The following TDRD10 variants were observed in gnomAD, a reference collection of about 807,000 sequenced individuals.
TDRD10 encodes the protein tudor domain containing 10.
Under a neutral mutation model 48.0 loss-of-function variants are expected in TDRD10, and 40 were observed. The ratio of observed to expected loss-of-function variants is 0.83; its 90% CI spans 0.65 to 1.09. The LOEUF (loss-of-function observed/expected upper bound fraction) is 1.09, where lower values mean the gene tolerates loss of function less well. Among genes scored for constraint, TDRD10 ranks in the 50% least tolerant of loss-of-function variants. The pLI is 0.00. For synonymous variants in TDRD10, 162 were observed against 170.4 expected, an observed-to-expected ratio of 0.95 and a Z score of 0.38; for missense variants, 378 against 434.7, an observed-to-expected ratio of 0.87 and a Z score of 1.16.
Position 154,547,797 on chromosome 1 carries a change from G to C in TDRD10, c.*87G>C. ...GTCTTCTCGTACCCCTTTCACTCTT[G>C]AGGCCTGGGAGGTGAAAAAGGCCAG... On this transcript the variant is annotated 3_prime_UTR_variant, in exon 13 of 13. Coordinates refer to ENST00000368482, the MANE Select transcript of TDRD10 (RefSeq NM_182499.4). The C allele has an allele frequency of 6.5e-7, 1 of 1,533,068 alleles. No individual in the cohort carries two copies. The allele number at this position is 1,533,068 out of a possible 1,614,324, so 95.0% of individuals were successfully genotyped here. A position where few individuals can be genotyped will look rare whatever the true frequency, so the allele number is the denominator to read the frequency against.
rs1695248784 is a variant in TDRD10 at position 154,541,807 on chromosome 1, T to C, written c.370-217T>C. 4.4e-5 allele frequency: 23 copies of C among 519,178 alleles called. No homozygotes were observed. In the South Asian group the frequency reaches 6.3e-4, roughly 14 times the overall value. 32.2% of individuals were successfully genotyped at this position (519,178 alleles called of 1,614,324 possible). A position where few individuals can be genotyped will look rare whatever the true frequency, so the allele number is the denominator to read the frequency against. Reference sequence around the variant, plus strand: ...GCTCCCTGGCAGCAGCCCTGCTCCCTGCCTTCCCTGCTTCTGATCGTCTTT... The same window carrying C: ...GCTCCCTGGCAGCAGCCCTGCTCCCCGCCTTCCCTGCTTCTGATCGTCTTT... On this transcript the variant is annotated intron_variant, in intron 6 of 12. Transcript: ENST00000368482.
chr1:154,546,468 TATATA>T (rs1428429861), intron 11 of TDRD10, among the ~76,000 whole-genome samples: 1 of 147,454 alleles, frequency 6.8e-6, no homozygotes, highest in Admixed American at 6.9e-5. Context: ...TTATGTAACA[TATATA>T]ATATATAATA....
chr1:154,535,221 G>A (rs941342997), intron 6 of TDRD10, among the ~76,000 whole-genome samples: 1 of 152,038 alleles, frequency 6.6e-6, no homozygotes, highest in African/African-American at 2.4e-5. Flanking sequence ...ACAAAAATTA[G>A]CCAAGCGTGG....
intron 4 of TDRD10, 126 bp downstream of exon 4, chr1:154,508,607 C>T (rs1404344793): frequency 5.6e-6 from 4 of 708,436 alleles, no homozygotes; most frequent in Non-Finnish European, 1.0e-5. Flanking sequence ...CAGACAGTCA[C>T]TCGTTGGTGA....
intron 6 of TDRD10, 157 bp from the exon 7 acceptor site, chr1:154,541,867 G>C: frequency 3.1e-6 from 2 of 636,820 alleles, no homozygotes; most frequent in Non-Finnish European, 5.4e-6. Context: ...TGAGGATGGA[G>C]AGAGTGGACG....
At position 154,547,909 on chromosome 1, in the gene TDRD10, G is replaced by T. The variant is rs758837300; in HGVS notation, c.*199G>T. On this transcript the variant is annotated 3_prime_UTR_variant, in exon 13 of 13. Coordinates refer to ENST00000368482, the MANE Select transcript of TDRD10 (RefSeq NM_182499.4). ...AAGTCTCATTTGTCATGTGTCTTCA[G>T]TTCCCCAACTTGGCATGAACATTTG... 103 of 628,988 alleles carry T rather than the reference G, an allele frequency of 1.6e-4. No homozygotes were observed. The highest frequency in any genetic ancestry group is 2.1e-4 in the Non-Finnish European group (77 of 361,600). The allele number at this position is 628,988 out of a possible 1,614,324, so 39.0% of individuals were successfully genotyped here. A position where few individuals can be genotyped will look rare whatever the true frequency, so the allele number is the denominator to read the frequency against.
chr1:154,520,375 G>A lies in TDRD10; in HGVS notation c.212+1G>A. On this transcript the variant is annotated splice_donor_variant, in intron 5 of 12. Coordinates refer to ENST00000368482, the MANE Select transcript of TDRD10 (RefSeq NM_182499.4). LOFTEE classifies it high-confidence loss of function. ...ACAAAATCCAGAATGGCTGCAAATGGTAATGACTGTTCTTTCTTTGTTTTC... is the reference window on the plus strand; with the variant it reads ...ACAAAATCCAGAATGGCTGCAAATGATAATGACTGTTCTTTCTTTGTTTTC... The A allele has an allele frequency of 1.2e-6, 2 of 1,611,548 alleles. No individual in the cohort carries two copies. The highest frequency in any genetic ancestry group is 1.7e-6 in the Non-Finnish European group (2 of 1,177,742).
In TDRD10 at chr1:154,542,019, C is replaced by A; in HGVS notation, c.370-5C>A. ...CTGAGTGAGACCTTTCATTTTTCTT[C>A]CCAGGTGTTGGAGAAGGCTTCTGGT... On this transcript the variant is annotated splice_region_variant and splice_polypyrimidine_tract_variant and intron_variant, in intron 6 of 12. Coordinates refer to ENST00000368482, the MANE Select transcript of TDRD10 (RefSeq NM_182499.4). The A allele has an allele frequency of 6.2e-7, 1 of 1,613,598 alleles. No individual in the cohort carries two copies. The highest frequency in any genetic ancestry group is 8.5e-7 in the Non-Finnish European group (1 of 1,179,754).
At chr1:154,517,048 G>C (rs1693808089) in intron 4 of TDRD10, among the ~76,000 whole-genome samples, 1 of 152,200 alleles carries the variant, frequency 6.6e-6, no homozygotes, top group South Asian at 2.1e-4. Context: ...GAAAGTGGTG[G>C]AGCCTGAAGG....
At chr1:154,534,330 GC>G (rs200897831) in intron 6 of TDRD10, among the ~76,000 whole-genome samples, 2,215 of 152,320 alleles carry the variant, frequency 0.015, 45 homozygotes, top group African/African-American at 0.05. Flanking sequence ...GGAAATCAAT[GC>G]AAGAAAGAAA....
At chr1:154,508,333 A>G in intron 3 of TDRD10, 90 bp from the exon 4 acceptor site, 1 of 896,706 alleles carries the variant, frequency 1.1e-6, no homozygotes, top group South Asian at 1.4e-5. Flanking sequence ...TGGGCAACAT[A>G]GAGAGACCCT....
chr1:154,517,718 G>A (rs531297125), intron 4 of TDRD10, among the ~76,000 whole-genome samples: 2 of 152,208 alleles, frequency 1.3e-5, no homozygotes, highest in African/African-American at 2.4e-5. Context: ...CACCGCGCCC[G>A]GCTTGGACCA....
In TDRD10 at chr1:154,502,359, G is replaced by C. The variant is rs937250688; in HGVS notation, c.-698G>C. The C allele has an allele frequency of 4.1e-4, 67 of 163,428 alleles. No homozygotes were observed. Among genetic ancestry groups the C allele is most frequent in the Middle Eastern group, 2.7e-3 (1 of 368 alleles). 10.1% of individuals were successfully genotyped at this position (163,428 alleles called of 1,614,324 possible). A position where few individuals can be genotyped will look rare whatever the true frequency, so the allele number is the denominator to read the frequency against. ...CTGCGGCCCAGCCCACGCTCCCAGG[G>C]ACCAGAGAGGACCGAGCGGAGGCGG... On this transcript the variant is annotated 5_prime_UTR_variant, in exon 1 of 13. Coordinates refer to ENST00000368482, the MANE Select transcript of TDRD10 (RefSeq NM_182499.4).
At chr1:154,547,645 C>T in intron 12 of TDRD10, 33 bp from the exon 13 acceptor site, 2 of 1,614,178 alleles carry the variant, frequency 1.2e-6, no homozygotes, top group East Asian at 4.5e-5. Context: ...GGTGGGCCTT[C>T]CTTCCCACCA....
intron 6 of TDRD10, among the ~76,000 whole-genome samples, chr1:154,528,709 G>A (rs940627683): frequency 6.6e-5 from 10 of 151,878 alleles, no homozygotes; most frequent in South Asian, 2.1e-4. Context: ...CCAGCTACTC[G>A]GGAAGCTGAG....
intron 4 of TDRD10, among the ~76,000 whole-genome samples, chr1:154,516,872 G>T (rs1042602706): frequency 6.6e-6 from 1 of 152,156 alleles, no homozygotes; most frequent in Admixed American, 6.5e-5. Flanking sequence ...GCTTGAGCCT[G>T]GGAGGCAGTG....
At chr1:154,540,588 G>A (rs572787382) in intron 6 of TDRD10, among the ~76,000 whole-genome samples, 42 of 151,034 alleles carry the variant, frequency 2.8e-4, no homozygotes, top group African/African-American at 1.0e-3. Flanking sequence ...ATTTGTTCAT[G>A]ATTGCAGGCT....
At chr1:154,539,449 C>T (rs1695105152) in intron 6 of TDRD10, among the ~76,000 whole-genome samples, 1 of 152,142 alleles carries the variant, frequency 6.6e-6, no homozygotes, top group South Asian at 2.1e-4. Flanking sequence ...ATTACAGGCA[C>T]CCGCCACCAC....
intron 6 of TDRD10, among the ~76,000 whole-genome samples, chr1:154,532,069 C>T (rs1694658406): frequency 2.6e-5 from 4 of 152,354 alleles, no homozygotes; most frequent in Middle Eastern, 3.4e-3. Context: ...AGCTGCCTGC[C>T]AGGCGGGTGC....
Sources: gnomAD v4.1 joint callset for allele counts (sites outside exome capture counted in the v4.1 genomes callset) on GRCh38, gnomAD v4.1.1 for gene constraint, MANE v1.5 for transcripts, NCBI Gene and HGNC (gene_info 2026-07-23, HGNC 2026-07-21) for gene names.